The following PLEKHF1 variants were observed in gnomAD, a reference collection of about 807,000 sequenced individuals.
The protein encoded by PLEKHF1 is pleckstrin homology and FYVE domain containing 1.
Under a neutral mutation model 4.1 loss-of-function variants are expected in PLEKHF1, and 1 was observed. The ratio of observed to expected loss-of-function variants is 0.24; its 90% CI spans 0.09 to 1.15. The LOEUF is 1.15. PLEKHF1 is among the 50% of genes most tolerant of loss of function. The pLI is 0.52. For synonymous variants in PLEKHF1, 182 were observed against 178.5 expected (o/e 1.02, Z -0.16); for missense variants, 429 against 400.6 (o/e 1.07, Z -0.60).
Position 29,674,081 on chromosome 19 carries a change from C to G in PLEKHF1, c.242C>G (p.Pro81Arg). 1 of 1,614,080 alleles carries G rather than the reference C, an allele frequency of 6.2e-7. No homozygotes were observed. The highest frequency in any genetic ancestry group is 8.5e-7 in the Non-Finnish European group (1 of 1,180,004). Residue 81 changes from proline (P) to arginine (R), a missense_variant, in exon 2 of 2, where the codon CCC (proline) becomes CGC (arginine). By Grantham distance (103) the Pro-to-Arg change is moderately radical. Coordinates refer to ENST00000436066, the MANE Select transcript of PLEKHF1 (RefSeq NM_024310.5). ...KRKYRSQHII[P>R]LEEVTLELLP... The stretch of plus-strand genomic sequence containing the variant: ...AAGTACCGCAGCCAGCACATCATCC[C>G]CCTGGAGGAGGTCACACTGGAGCTG...
At chr19:29,666,201 G>T (rs1271276845) in intron 1 of PLEKHF1, among the ~76,000 whole-genome samples, 1 of 152,092 alleles carries the variant, frequency 6.6e-6, no homozygotes, top group South Asian at 2.1e-4. Context: ...GAGAGGTTCC[G>T]AGCCACGCTG....
At chr19:29,665,844 G>A (rs1971563606) in intron 1 of PLEKHF1, 1 of 1,014,368 alleles carries the variant, frequency 9.9e-7, no homozygotes, top group Non-Finnish European at 1.2e-6. Flanking sequence ...CAGCGCACCC[G>A]GTCGCTGGTG....
intron 1 of PLEKHF1, among the ~76,000 whole-genome samples, chr19:29,666,122 C>G (rs928777235): frequency 4.6e-5 from 7 of 152,130 alleles, no homozygotes; most frequent in Non-Finnish European, 7.4e-5. Flanking sequence ...CCTCCTTTCT[C>G]GTTTCCCCAA....
Position 29,674,849 on chromosome 19 carries a change from C to A in PLEKHF1, c.*170C>A. On this transcript the variant is annotated 3_prime_UTR_variant, in exon 2 of 2. Transcript: ENST00000436066. The stretch of plus-strand genomic sequence containing the variant: ...AGTGCCTTTTTGCTGGACACTGTGT[C>A]CTTATGGCTTCACTGCAGGTAATGC... The A allele has an allele frequency of 1.0e-6, 1 of 1,004,362 alleles. No homozygotes were observed. Among genetic ancestry groups the A allele is most frequent in the Non-Finnish European group, 1.4e-6 (1 of 703,458 alleles). The allele number at this position is 1,004,362 out of a possible 1,614,324, so 62.2% of individuals were successfully genotyped here.
chr19:29,672,499 A>G (rs1188529387), intron 1 of PLEKHF1, among the ~76,000 whole-genome samples: 1 of 151,924 alleles, frequency 6.6e-6, no homozygotes, highest in Non-Finnish European at 1.5e-5. Context: ...TGACCCTGGG[A>G]CAGCCTGTCT....
chr19:29,673,787 G>C (rs778626736), intron 1 of PLEKHF1, 37 bp from the exon 2 acceptor site: 1 of 1,556,230 alleles, frequency 6.4e-7, no homozygotes, highest in Non-Finnish European at 8.7e-7. Flanking sequence ...CCCCATGCCT[G>C]AGCCTGGACA....
At chr19:29,669,115 G>A (rs1423134759) in intron 1 of PLEKHF1, among the ~76,000 whole-genome samples, 1 of 152,188 alleles carries the variant, frequency 6.6e-6, no homozygotes, top group African/African-American at 2.4e-5. Flanking sequence ...GAGCAGCAAA[G>A]GGGTCCCATG....
intron 1 of PLEKHF1, among the ~76,000 whole-genome samples, chr19:29,672,471 C>G (rs921411111): frequency 1.3e-5 from 2 of 152,122 alleles, no homozygotes; most frequent in African/African-American, 4.8e-5. Context: ...GAACTGAGAA[C>G]CCGTTGCAGG....
At chr19:29,672,927 G>A (rs551683456) in intron 1 of PLEKHF1, among the ~76,000 whole-genome samples, 2 of 152,186 alleles carry the variant, frequency 1.3e-5, no homozygotes, top group East Asian at 3.9e-4. Flanking sequence ...GGGGCGCCCG[G>A]CATGAGCTCT....
At chr19:29,672,883 G>A (rs916878442) in intron 1 of PLEKHF1, among the ~76,000 whole-genome samples, 4 of 152,132 alleles carry the variant, frequency 2.6e-5, no homozygotes, top group Non-Finnish European at 2.9e-5. Flanking sequence ...AAGGTCGTGA[G>A]TCTGGTGGGC....
At position 29,674,482 on chromosome 19, in the gene PLEKHF1, C is replaced by A; in HGVS notation, c.643C>A (p.Gln215Lys). 1 of 1,544,544 alleles carries A rather than the reference C, an allele frequency of 6.5e-7. No homozygotes were observed. The highest frequency in any genetic ancestry group is 8.7e-7 in the Non-Finnish European group (1 of 1,148,114). ...SLCYRELAAQQRQEEAEEQGA... is the reference protein window; with the variant it reads ...SLCYRELAAQKRQEEAEEQGA... ...CTGCTACCGCGAACTGGCCGCCCAG[C>A]AGCGGCAGGAGGAGGCGGAGGAGCA... The change falls in exon 2 of 2, where the codon CAG (glutamine) becomes AAG (lysine). Residue 215 changes from glutamine to lysine, a missense_variant. Gln to Lys is a moderately conservative substitution (Grantham distance 53). Transcript: ENST00000436066.
Position 29,675,070 on chromosome 19 carries a change from C to T in PLEKHF1, c.*391C>T. On this transcript the variant is annotated 3_prime_UTR_variant, in exon 2 of 2. Coordinates refer to ENST00000436066, the MANE Select transcript of PLEKHF1 (RefSeq NM_024310.5). Reference sequence around the variant, plus strand: ...GGAGTGTAGCCACAGAACCCACCTGCACCCTGACAGGCACACCCCACTGAA... The same window carrying T: ...GGAGTGTAGCCACAGAACCCACCTGTACCCTGACAGGCACACCCCACTGAA... The T allele has an allele frequency of 5.2e-6, 1 of 192,434 alleles. No homozygotes were observed. The allele number at this position is 192,434 out of a possible 1,614,324, so 11.9% of individuals were successfully genotyped here.
Position 29,673,995 on chromosome 19 carries a change from G to C in PLEKHF1, c.156G>C (p.Pro52=), listed in dbSNP as rs371222738. ...LTKECRKKAK[P]RIFFLFNDIL... Reference sequence around the variant, plus strand: ...AAGAGTGCCGCAAGAAGGCCAAGCCGCGCATCTTCTTCCTCTTTAACGACA... The same window carrying C: ...AAGAGTGCCGCAAGAAGGCCAAGCCCCGCATCTTCTTCCTCTTTAACGACA... Residue 52 remains proline (P), a synonymous_variant, in exon 2 of 2, where the codon CCG becomes CCC. Transcript: ENST00000436066. 3.7e-6 allele frequency: 6 copies of C among 1,614,092 alleles called. No homozygotes were observed. Among genetic ancestry groups the C allele is most frequent in the East Asian group, 2.2e-5 (1 of 44,888 alleles).
intron 1 of PLEKHF1, among the ~76,000 whole-genome samples, chr19:29,672,184 G>A (rs1351856185): frequency 1.3e-5 from 2 of 152,182 alleles, no homozygotes; most frequent in Non-Finnish European, 2.9e-5. Context: ...TCCCAGAGAA[G>A]TGGCCAGCAG....
intron 1 of PLEKHF1, among the ~76,000 whole-genome samples, chr19:29,672,334 A>G (rs1410431882): frequency 6.6e-6 from 1 of 152,198 alleles, no homozygotes; most frequent in African/African-American, 2.4e-5. Flanking sequence ...CTGTGTCCCA[A>G]TAAATCTTTA....
In PLEKHF1 at chr19:29,674,836, C is replaced by T; in HGVS notation, c.*157C>T. 8.9e-7 allele frequency: 1 copy of T among 1,126,444 alleles called. No homozygotes were observed. Among genetic ancestry groups the T allele is most frequent in the Non-Finnish European group, 1.2e-6 (1 of 809,772 alleles). The allele number at this position is 1,126,444 out of a possible 1,614,324, so 69.8% of individuals were successfully genotyped here. ...TTTCTGGACTCCCAGTGCCTTTTTGCTGGACACTGTGTCCTTATGGCTTCA... is the reference window on the plus strand; with the variant it reads ...TTTCTGGACTCCCAGTGCCTTTTTGTTGGACACTGTGTCCTTATGGCTTCA... On this transcript the variant is annotated 3_prime_UTR_variant, in exon 2 of 2. Transcript: ENST00000436066.
At chr19:29,672,773 G>C (rs1000241116) in intron 1 of PLEKHF1, among the ~76,000 whole-genome samples, 3 of 152,158 alleles carry the variant, frequency 2.0e-5, no homozygotes, top group Non-Finnish European at 4.4e-5. Context: ...GAGCTTATTA[G>C]ACAAGCAGGT....
chr19:29,670,000 T>C (rs1971612254), intron 1 of PLEKHF1, among the ~76,000 whole-genome samples: 1 of 152,144 alleles, frequency 6.6e-6, no homozygotes, highest in Non-Finnish European at 1.5e-5. Context: ...GGTGTGATCT[T>C]GGCTCACTGC....
In PLEKHF1 at chr19:29,674,291, CCGA is replaced by C. The variant is rs749150567; in HGVS notation, c.454_456del (p.Asp152del). The C allele has an allele frequency of 6.3e-7, 1 of 1,595,306 alleles. No individual in the cohort carries two copies. Among genetic ancestry groups the C allele is most frequent in the African/African-American group, 1.3e-5 (1 of 74,800 alleles). ...ACGGAGCACGCGGCACCCTGGATCCCCGACAAGGCCACGGACATCTGCATGCGC... is the reference window on the plus strand; with the variant it reads ...ACGGAGCACGCGGCACCCTGGATCCCCAAGGCCACGGACATCTGCATGCGC... On this transcript the variant is annotated inframe_deletion, in exon 2 of 2. Transcript: ENST00000436066.
Sources: allele counts gnomAD v4.1 joint callset (sites outside exome capture counted in the v4.1 genomes callset), GRCh38; gene constraint gnomAD v4.1.1; transcripts MANE v1.5; gene names NCBI Gene and HGNC (gene_info 2026-07-23, HGNC 2026-07-21).